Variants in TUBGCP6 observed in about 807,000 individuals in gnomAD.
TUBGCP6 encodes the protein gamma-tubulin complex component 6.
Under a neutral mutation model 175.8 loss-of-function variants are expected in TUBGCP6, and 161 were observed. That is an observed-to-expected ratio of 0.92 (90% CI 0.81 to 1.04). The LOEUF is 1.04. TUBGCP6 is among the 50% of genes least tolerant of loss of function. The probability of loss-of-function intolerance (pLI) is 0.00; values close to 1 mark genes in which losing one functional copy is unlikely to be tolerated. For missense variants in TUBGCP6, 2,572 were observed against 2,433.0 expected, an observed-to-expected ratio of 1.06 and a Z score of -1.20; for synonymous variants, 1,173 against 1,030.5, an observed-to-expected ratio of 1.14 and a Z score of -2.65.
At chr22:50,232,390 GA>G (rs761176661) in intron 3 of TUBGCP6, among the ~76,000 whole-genome samples, 2 of 136,396 alleles carry the variant, frequency 1.5e-5, no homozygotes, top group Admixed American at 1.5e-4. Context: ...AAAAGAAAAA[GA>G]AAAAGAAAAG....
At chr22:50,224,764 A>C (rs1161885151) in intron 10 of TUBGCP6, among the ~76,000 whole-genome samples, 172 bp from the exon 11 acceptor site, 1 of 152,086 alleles carries the variant, frequency 6.6e-6, no homozygotes, top group Non-Finnish European at 1.5e-5. Context: ...AAAATTAGCC[A>C]GGTGTAGTGG....
At chr22:50,231,011 G>T (rs923611027) in intron 3 of TUBGCP6, among the ~76,000 whole-genome samples, 1 of 146,908 alleles carries the variant, frequency 6.8e-6, no homozygotes, top group Non-Finnish European at 1.5e-5. Flanking sequence ...AAACCCAGGA[G>T]GAAGAGGTTG....
Position 50,226,726 on chromosome 22 carries a change from T to C in TUBGCP6, c.1601+7A>G, listed in dbSNP as rs2064616571. On this transcript the variant is annotated splice_region_variant and intron_variant, in intron 7 of 24. Transcript: ENST00000248846. ...CGCCCGCCGCGCCTGCCCAGCCCAC[T>C]GCCCACCGGGTGTAGGGCTCGCAGC... The C allele has an allele frequency of 2.5e-6, 4 of 1,573,532 alleles. No homozygotes were observed. The highest frequency in any genetic ancestry group is 3.5e-6 in the Non-Finnish European group (4 of 1,159,142).
rs949707597 is a variant in TUBGCP6, at chr22:50,232,238, C to T, written c.1116+1078G>A. On this transcript the variant is annotated intron_variant, in intron 3 of 24. Transcript: ENST00000248846. The stretch of plus-strand genomic sequence containing the variant: ...AAAATTAGCCAGCCGTAGTGACATG[C>T]ACCTGTAATCCCAGCTACTCGGGAG... 5.3e-5 allele frequency among the ~76,000 whole-genome samples: 8 copies of T among 151,302 alleles called. No homozygotes were observed. In the East Asian group the frequency reaches 1.6e-3, roughly 30 times the overall value.
intron 18 of TUBGCP6, 77 bp downstream of exon 18, chr22:50,219,567 C>T: frequency 6.3e-7 from 1 of 1,592,296 alleles, no homozygotes; most frequent in South Asian, 1.1e-5. Flanking sequence ...GGCTCCGCCC[C>T]AACCCACAGG....
In TUBGCP6 at chr22:50,240,317, G is replaced by T; in HGVS notation, c.792C>A (p.Ser264=). The T allele has an allele frequency of 6.2e-7, 1 of 1,613,986 alleles. No individual in the cohort carries two copies. The highest frequency in any genetic ancestry group is 8.5e-7 in the Non-Finnish European group (1 of 1,180,040). The change falls in exon 2 of 25, where the codon TCC becomes TCA. Residue 264 remains serine, a synonymous_variant. Coordinates refer to ENST00000248846, the MANE Select transcript of TUBGCP6 (RefSeq NM_020461.4). ...CAGACTGGGAATCAGGAGTCAAGTT[G>T]GACGCTGACTGGAATCCTTCGTCTT... The part of the protein sequence containing the change: ...QWEDEGFQSA[S]NLTPDSQSEP...
rs1364587105 is a variant in TUBGCP6, at chr22:50,229,534, C to G, written c.1160G>C (p.Gly387Ala). The G allele has an allele frequency of 6.2e-7, 1 of 1,605,002 alleles. No homozygotes were observed. Among genetic ancestry groups the G allele is most frequent in the East Asian group, 2.3e-5 (1 of 44,384 alleles). Residue 387 changes from glycine to alanine, a missense_variant, in exon 4 of 25, where the codon GGA becomes GCA. Transcript: ENST00000248846. ...FVVKRGVHVS[G>A]ASPESISSLL... Reference sequence around the variant, plus strand: ...GCTGCTGATGCTCTCGGGAGACGCTCCTGACACGTGGACGCCCCGCTTCAC... The same window carrying G: ...GCTGCTGATGCTCTCGGGAGACGCTGCTGACACGTGGACGCCCCGCTTCAC...
At chr22:50,226,662 C>A in intron 7 of TUBGCP6, 71 bp downstream of exon 7, 2 of 1,323,558 alleles carry the variant, frequency 1.5e-6, no homozygotes, top group East Asian at 2.5e-5. Context: ...AGGTGTCTGA[C>A]AAGGGACCGC....
At chr22:50,240,166 T>G in intron 2 of TUBGCP6, 38 bp downstream of exon 2, 1 of 1,611,402 alleles carries the variant, frequency 6.2e-7, no homozygotes, top group Non-Finnish European at 8.5e-7. Flanking sequence ...CATGCAGGGG[T>G]AGGGGCACTG....
intron 4 of TUBGCP6, 150 bp from the exon 5 acceptor site, chr22:50,228,178 C>T (rs1298147167): frequency 8.2e-6 from 8 of 972,180 alleles, no homozygotes; most frequent in Non-Finnish European, 1.2e-5. Context: ...GTGAGCCACA[C>T]CCCGCCACCG....
At position 50,218,178 on chromosome 22, in the gene TUBGCP6, C is replaced by G. The variant is rs368186034; in HGVS notation, c.5168+11G>C. On this transcript the variant is annotated intron_variant, in intron 23 of 24. Coordinates refer to ENST00000248846, the MANE Select transcript of TUBGCP6 (RefSeq NM_020461.4). ...GTGACCACAGGGACGCAGCCGCTGC[C>G]CAGGCCTCACCTGAAGACGGCCTTG... 1 of 1,611,014 alleles carries G rather than the reference C, an allele frequency of 6.2e-7. No homozygotes were observed. The highest frequency in any genetic ancestry group is 1.7e-5 in the Admixed American group (1 of 59,970).
At position 50,217,695 on chromosome 22, in the gene TUBGCP6, C is replaced by G. The variant is rs2064437336; in HGVS notation, c.*41G>C. The G allele has an allele frequency of 6.3e-7, 1 of 1,583,320 alleles. No individual in the cohort carries two copies. Reference sequence around the variant, plus strand: ...CAGGAGAGAGAGCTGCAGACAGGGTCCGAGAACACCTTTATTGTGCACGTC... The same window carrying G: ...CAGGAGAGAGAGCTGCAGACAGGGTGCGAGAACACCTTTATTGTGCACGTC... On this transcript the variant is annotated 3_prime_UTR_variant, in exon 25 of 25. Coordinates refer to ENST00000248846, the MANE Select transcript of TUBGCP6 (RefSeq NM_020461.4).
At position 50,218,136 on chromosome 22, in the gene TUBGCP6, G is replaced by C; in HGVS notation, c.5169-19C>G. On this transcript the variant is annotated intron_variant, in intron 23 of 24. Coordinates refer to ENST00000248846, the MANE Select transcript of TUBGCP6 (RefSeq NM_020461.4). ...CAGGCCCCTGGGGGGAAGCAGTGCT[G>C]CTGGGTGGGCTGAGCCGTGACCACA... 1.2e-6 allele frequency: 2 copies of C among 1,610,834 alleles called. No homozygotes were observed. Among genetic ancestry groups the C allele is most frequent in the Non-Finnish European group, 1.7e-6 (2 of 1,178,906 alleles).
chr22:50,240,056 T>C, intron 2 of TUBGCP6, 148 bp downstream of exon 2: 1 of 1,093,162 alleles, frequency 9.1e-7, no homozygotes. Flanking sequence ...CTCCCAGGAC[T>C]CAGTCAATTT....
chr22:50,229,705 GC>G, intron 3 of TUBGCP6, 128 bp from the exon 4 acceptor site: 1 of 884,782 alleles, frequency 1.1e-6, no homozygotes, highest in Non-Finnish European at 1.7e-6. Flanking sequence ...AAAAGCAAAT[GC>G]CCAGAAGGCA....
In TUBGCP6 at chr22:50,220,599, C is replaced by T. The variant is rs756785953; in HGVS notation, c.3760G>A (p.Glu1254Lys). Residue 1254 changes from glutamate (E) to lysine (K), a missense_variant, in exon 16 of 25, where the codon GAG becomes AAG. Glu to Lys is a moderately conservative substitution (Grantham distance 56). Transcript: ENST00000248846. ...GTGGAAACCACATCCGACACAGGCT[C>T]CCCCAAGCTGATGCTGGCGTCGGAC... ...HVSDASISLG[E>K]PVSDVVSTRP... is the part of the protein sequence containing the mutation. 1 of 1,613,368 alleles carries T rather than the reference C, an allele frequency of 6.2e-7. No individual in the cohort carries two copies. The highest frequency in any genetic ancestry group is 8.5e-7 in the Non-Finnish European group (1 of 1,179,890).
At position 50,233,231 on chromosome 22, in the gene TUBGCP6, G is replaced by C. The variant is rs2064716215; in HGVS notation, c.1116+85C>G. 1.7e-5 allele frequency: 25 copies of C among 1,479,980 alleles called. No homozygotes were observed. In the South Asian group the frequency reaches 2.9e-4, roughly 17 times the overall value. The allele number at this position is 1,479,980 out of a possible 1,614,324, so 91.7% of individuals were successfully genotyped here. A position where few individuals can be genotyped will look rare whatever the true frequency, so the allele number is the denominator to read the frequency against. Reference sequence around the variant, plus strand: ...CTCCCCACTCCCTGCACTGGGGCTTGTTCTGCCCCATAAAGGGCTGGGCAC... The same window carrying C: ...CTCCCCACTCCCTGCACTGGGGCTTCTTCTGCCCCATAAAGGGCTGGGCAC... On this transcript the variant is annotated intron_variant, in intron 3 of 24. Transcript: ENST00000248846.
Position 50,221,749 on chromosome 22 carries a change from C to T in TUBGCP6, c.2610G>A (p.Lys870=). The change falls in exon 16 of 25, where the codon AAG becomes AAA. Residue 870 remains lysine (K), a synonymous_variant. Transcript: ENST00000248846. ...TGCCACCAGCCCCCACTGCTAGAGG[C>T]TTAAGGGGCTGTGGGGTCAGCAGGC... ...RPGLLTPQPL[K]PLAVGAGGRG... is the part of the protein sequence containing the mutation. The T allele has an allele frequency of 1.3e-6, 2 of 1,516,542 alleles. No individual in the cohort carries two copies. The highest frequency in any genetic ancestry group is 1.3e-5 in the South Asian group (1 of 75,012). The allele number at this position is 1,516,542 out of a possible 1,614,324, so 93.9% of individuals were successfully genotyped here. A position where few individuals can be genotyped will look rare whatever the true frequency, so the allele number is the denominator to read the frequency against.
chr22:50,240,608 G>C (rs551929381), intron 1 of TUBGCP6, among the ~76,000 whole-genome samples: 4 of 152,208 alleles, frequency 2.6e-5, no homozygotes, highest in African/African-American at 9.7e-5. Flanking sequence ...GTGGAACTTA[G>C]AGTGAAACTT....
Sources: gnomAD v4.1 joint callset for allele counts (sites outside exome capture counted in the v4.1 genomes callset) on GRCh38, gnomAD v4.1.1 for gene constraint, MANE v1.5 for transcripts, NCBI Gene and HGNC (gene_info 2026-07-23, HGNC 2026-07-21) for gene names.